Variants in HDAC7 observed in about 807,000 individuals in gnomAD.
HDAC7 encodes histone deacetylase 7, also known as histone deacetylase 7A.
HDAC7 carries 26 observed loss-of-function variants against 115.5 expected under a neutral mutation model. The observed-to-expected ratio is 0.23, with a 90% CI of 0.16 to 0.31. The LOEUF is 0.31. Ranked by LOEUF, HDAC7 falls within the 10% of genes least tolerant of loss-of-function variation. The pLI, the probability that HDAC7 is intolerant of heterozygous loss-of-function variation, is 1.00. For missense variants in HDAC7, 1,068 were observed against 1,329.0 expected, an observed-to-expected ratio of 0.80 and a Z score of 3.05; for synonymous variants, 564 against 550.9, an observed-to-expected ratio of 1.02 and a Z score of -0.33.
At chr12:47,788,489 C>T in intron 19 of HDAC7, 1 of 199,000 alleles carries the variant, frequency 5.0e-6, no homozygotes, top group Admixed American at 5.4e-5. Flanking sequence ...TTCAGGGTTA[C>T]ACATATCAGG....
At chr12:47,812,726 G>A (rs1408306234) in intron 1 of HDAC7, among the ~76,000 whole-genome samples, 2 of 152,190 alleles carry the variant, frequency 1.3e-5, no homozygotes, top group African/African-American at 4.8e-5. Flanking sequence ...TAAGCACTAA[G>A]TGGGGCACAG....
intron 1 of HDAC7, among the ~76,000 whole-genome samples, chr12:47,804,420 C>T (rs1304473898): frequency 2.6e-5 from 4 of 151,830 alleles, no homozygotes; most frequent in East Asian, 3.9e-4. Flanking sequence ...GAACTGAAGC[C>T]AGAGCATGAA....
intron 21 of HDAC7, 29 bp from the exon 22 acceptor site, chr12:47,786,732 C>T (rs376860483): frequency 1.0e-5 from 16 of 1,580,646 alleles, no homozygotes; most frequent in East Asian, 2.2e-5. Context: ...TGGCGATCAT[C>T]GTACTGTGCA....
rs1943901383 is a variant in HDAC7 at position 47,797,208 on chromosome 12, A to G, written c.578-66T>C. On this transcript the variant is annotated intron_variant, in intron 6 of 25. Coordinates refer to ENST00000080059, the MANE Select transcript of HDAC7 (RefSeq NM_015401.5). The surrounding 1 kb of genome is among the most constrained non-coding windows in gnomAD (Gnocchi z 5.5). ...TCTTTTTTCCACCCTTTAACCCCTCAGTCCCAGTCATCTCTATCGGTCAAG... is the reference window on the plus strand; with the variant it reads ...TCTTTTTTCCACCCTTTAACCCCTCGGTCCCAGTCATCTCTATCGGTCAAG... The G allele has an allele frequency of 2.6e-6, 4 of 1,560,854 alleles. No homozygotes were observed. The highest frequency in any genetic ancestry group is 1.8e-5 in the Admixed American group (1 of 54,846).
intron 21 of HDAC7, 26 bp downstream of exon 21, chr12:47,787,686 C>A: frequency 6.5e-7 from 1 of 1,531,914 alleles, no homozygotes; most frequent in Non-Finnish European, 8.9e-7. Context: ...GGTGGACTTG[C>A]CCCTCTGGGC....
chr12:47,786,501 C>A, intron 22 of HDAC7, 84 bp downstream of exon 22: 2 of 964,274 alleles, frequency 2.1e-6, no homozygotes, highest in East Asian at 2.4e-5. Context: ...GCCACCTTCC[C>A]TTTCTGACTT....
At chr12:47,799,027 G>T in intron 2 of HDAC7, 55 bp from the exon 3 acceptor site, 1 of 1,228,082 alleles carries the variant, frequency 8.1e-7, no homozygotes, top group Non-Finnish European at 1.1e-6. Flanking sequence ...TCGGGGGCAT[G>T]ATACAGCCTG....
At chr12:47,786,817 C>A in intron 21 of HDAC7, 114 bp from the exon 22 acceptor site, 1 of 749,072 alleles carries the variant, frequency 1.3e-6, no homozygotes. Flanking sequence ...CCCAGTGCCC[C>A]AGCACAACTG....
chr12:47,800,416 T>C (rs192506291), intron 2 of HDAC7, among the ~76,000 whole-genome samples: 1 of 152,224 alleles, frequency 6.6e-6, no homozygotes, highest in African/African-American at 2.4e-5. Flanking sequence ...TCCCTGACTG[T>C]GACATGGACA....
At chr12:47,805,332 G>A (rs969778365) in intron 1 of HDAC7, among the ~76,000 whole-genome samples, 26 of 151,244 alleles carry the variant, frequency 1.7e-4, no homozygotes, top group African/African-American at 5.1e-4. Context: ...GATCCTCCCC[G>A]CTCATCTTCA....
intron 1 of HDAC7, 29 bp downstream of exon 1, chr12:47,819,733 AGGGCG>A (rs1283953716): frequency 2.5e-5 from 18 of 718,358 alleles, no homozygotes; most frequent in South Asian, 6.1e-5. Flanking sequence ...TGCCGCGCGC[AGGGCG>A]GGGCGGGGGG....
At chr12:47,785,324 G>T (rs774139481) in intron 24 of HDAC7, 63 bp downstream of exon 24, 4 of 1,409,960 alleles carry the variant, frequency 2.8e-6, no homozygotes. Flanking sequence ...TGGCCACGGT[G>T]GGGCAGGGTA....
In HDAC7 at chr12:47,797,493, C is replaced by T; in HGVS notation, c.468G>A (p.Leu156=). The change falls in exon 6 of 26, where the codon CTG becomes CTA. Residue 156 remains leucine, a synonymous_variant. Coordinates refer to ENST00000080059, the MANE Select transcript of HDAC7 (RefSeq NM_015401.5). This position sits in a 1 kb window ranked among gnomAD's most constrained non-coding sequence, Gnocchi z 5.5. ...TGGCTCCTTCCGTCTCCAGGGGCTCCAGGGTTCTACAGAACGAGTGCCAAG... is the reference window on the plus strand; with the variant it reads ...TGGCTCCTTCCGTCTCCAGGGGCTCTAGGGTTCTACAGAACGAGTGCCAAG... ...PNSPGIPYRT[L]EPLETEGATR... is the part of the protein sequence containing the mutation. 1 of 1,609,450 alleles carries T rather than the reference C, an allele frequency of 6.2e-7. No homozygotes were observed.
chr12:47,814,895 C>G (rs1944808374), intron 1 of HDAC7, among the ~76,000 whole-genome samples: 1 of 152,224 alleles, frequency 6.6e-6, no homozygotes, highest in African/African-American at 2.4e-5. Context: ...TATTGCCATG[C>G]CCAGTTCATT....
chr12:47,789,267 T>G lies in HDAC7; in HGVS notation c.2229A>C (p.Val743=), dbSNP rs1943347578. The G allele has an allele frequency of 6.2e-7, 1 of 1,613,708 alleles. No homozygotes were observed. The highest frequency in any genetic ancestry group is 8.5e-7 in the Non-Finnish European group (1 of 1,179,616). Residue 743 remains valine, a synonymous_variant, in exon 19 of 26, where the codon GTA becomes GTC. Coordinates refer to ENST00000080059, the MANE Select transcript of HDAC7 (RefSeq NM_015401.5). The part of the protein sequence containing the change: ...QQSKASKILI[V]DWDVHHGNGT... ...GCTACGGACAGGCACCTACCCAGTC[T>G]ACAATGAGGATCTTGCTGGCCTTGC...
intron 1 of HDAC7, among the ~76,000 whole-genome samples, chr12:47,807,064 C>G (rs959293808): frequency 2.6e-5 from 4 of 152,128 alleles, no homozygotes; most frequent in African/African-American, 9.7e-5. Context: ...CTCAGCCTCC[C>G]AAGTAGCTGG....
In HDAC7 at chr12:47,795,968, A is replaced by C; in HGVS notation, c.844T>G (p.Phe282Val). ...LRLQETSVAP[F>V]ALPTVSLLPA... ...AGCAAGGACACTGTCGGCAAGGCGA[A>C]CGGGGCCACAGAAGTCTCCTGCAGC... The change falls in exon 9 of 26, where the codon TTC becomes GTC. Residue 282 changes from phenylalanine to valine, a missense_variant. By Grantham distance (50) the Phe-to-Val change is conservative. Coordinates refer to ENST00000080059, the MANE Select transcript of HDAC7 (RefSeq NM_015401.5). This position sits in a 1 kb window ranked among gnomAD's most constrained non-coding sequence, Gnocchi z 4.3. 1 of 1,550,016 alleles carries C rather than the reference A, an allele frequency of 6.5e-7. No individual in the cohort carries two copies. Among genetic ancestry groups the C allele is most frequent in the African/African-American group, 1.4e-5 (1 of 73,196 alleles).
In HDAC7 at chr12:47,783,881, G is replaced by A. The variant is rs1942995255; in HGVS notation, c.2936C>T (p.Ser979Leu). ...TTCTTCCTCCTCCACCAGCTGCTCC[G>A]AGGGCCTGTGGGGAGGGACAAGGGT... The part of the protein sequence containing the change: ...SVGILAEDRP[S>L]EQLVEEEEPM... Residue 979 changes from serine (S) to leucine (L), a missense_variant, in exon 26 of 26, where the codon TCG becomes TTG. Ser to Leu is a moderately radical substitution (Grantham distance 145). Around this residue, in one of 6 missense-constraint regions of HDAC7, gnomAD observed 98 missense variants for 123.9 expected, o/e 0.79. Transcript: ENST00000080059. 5.6e-6 allele frequency: 9 copies of A among 1,612,538 alleles called. No homozygotes were observed. The highest frequency in any genetic ancestry group is 7.6e-6 in the Non-Finnish European group (9 of 1,179,662).
At position 47,798,665 on chromosome 12, in the gene HDAC7, C is replaced by G. The variant is rs1223006401; in HGVS notation, c.259-13G>C. On this transcript the variant is annotated splice_polypyrimidine_tract_variant and intron_variant, in intron 3 of 25. Coordinates refer to ENST00000080059, the MANE Select transcript of HDAC7 (RefSeq NM_015401.5). The surrounding 1 kb of genome is among the most constrained non-coding windows in gnomAD (Gnocchi z 4.3). ...TGTCCATGGAGAGCTGTGGGCAGGG[C>G]CGGCAGCCCAGAAAGGGACAAGGAG... The G allele has an allele frequency of 1.4e-5, 22 of 1,609,384 alleles. No individual in the cohort carries two copies. Among genetic ancestry groups the G allele is most frequent in the Non-Finnish European group, 1.7e-5 (20 of 1,177,772 alleles).
Sources: allele counts gnomAD v4.1 joint callset (sites outside exome capture counted in the v4.1 genomes callset), GRCh38; gene constraint gnomAD v4.1.1; regional missense constraint gnomAD v4.1.1; non-coding constraint Gnocchi (gnomAD v3.1); transcripts MANE v1.5; gene names NCBI Gene and HGNC (gene_info 2026-07-23, HGNC 2026-07-21).